SERPINI1: variants seen among roughly 807,000 people sequenced by gnomAD.
SERPINI1 encodes the protein neuroserpin.
In SERPINI1, 19 loss-of-function variants were observed where a neutral mutation model predicts 41.1. The ratio of observed to expected loss-of-function variants is 0.46; its 90% CI spans 0.32 to 0.68. The LOEUF is 0.68. SERPINI1 is among the 30% of genes least tolerant of loss of function. The pLI is 0.03. For synonymous variants in SERPINI1, 138 were observed against 156.6 expected, an observed-to-expected ratio of 0.88 and a Z score of 0.89; for missense variants, 460 against 479.2, an observed-to-expected ratio of 0.96 and a Z score of 0.37.
At chr3:167,779,279 G>A (rs923581418) in intron 1 of SERPINI1, among the ~76,000 whole-genome samples, 19 of 151,988 alleles carry the variant, frequency 1.3e-4, no homozygotes, top group Admixed American at 1.0e-3. Context: ...AATGCAAAAC[G>A]AACACATATC....
intron 5 of SERPINI1, among the ~76,000 whole-genome samples, chr3:167,800,805 G>GT (rs2108563389): frequency 6.6e-6 from 1 of 152,118 alleles, no homozygotes; most frequent in Non-Finnish European, 1.5e-5. Flanking sequence ...GTTTTGTTTT[G>GT]TTTTGTTTTG....
At chr3:167,744,675 TAA>T (rs1254232732) in intron 1 of SERPINI1, among the ~76,000 whole-genome samples, 2 of 107,490 alleles carry the variant, frequency 1.9e-5, no homozygotes, top group South Asian at 2.5e-4. Flanking sequence ...AATATATATA[TAA>T]ATATATATAT....
intron 1 of SERPINI1, among the ~76,000 whole-genome samples, chr3:167,781,443 T>G (rs1372554117): frequency 6.6e-6 from 1 of 152,102 alleles, no homozygotes; most frequent in East Asian, 1.9e-4. Flanking sequence ...AAAAGAGGCA[T>G]TATTTTTGTA....
In SERPINI1 at chr3:167,772,864, C is replaced by CTATATATATATA. The variant is rs1161668820; in HGVS notation, c.-18-16228_-18-16217dup. ...TCTCTCTCTCTCTCTCTCTCTCTCT[C>CTATATATATATA]TATATATATATATATATATATATAT... On this transcript the variant is annotated intron_variant, in intron 1 of 8. Coordinates refer to ENST00000446050, the MANE Select transcript of SERPINI1 (RefSeq NM_001122752.2). Among the ~76,000 whole-genome samples the CTATATATATATA allele has an allele frequency of 2.3e-3, 56 of 24,598 alleles. 3 individuals carry two copies. Among genetic ancestry groups the CTATATATATATA allele is most frequent in the Admixed American group, 3.2e-3 (5 of 1,574 alleles). The allele number at this position is 24,598 out of a possible 152,430, so 16.1% of individuals were successfully genotyped here. A position where few individuals can be genotyped will look rare whatever the true frequency, so the allele number is the denominator to read the frequency against.
chr3:167,786,310 C>T lies in SERPINI1; in HGVS notation c.-18-2801C>T, dbSNP rs552552819. ...TTGAGGTCAGGAGTTCGAGACCAGTCTGGCCAACATGGTGAAACCCCGTCT... is the reference window on the plus strand; with the variant it reads ...TTGAGGTCAGGAGTTCGAGACCAGTTTGGCCAACATGGTGAAACCCCGTCT... On this transcript the variant is annotated intron_variant, in intron 1 of 8. Transcript: ENST00000446050. Among the ~76,000 whole-genome samples, 30 of 152,040 alleles carry T rather than the reference C, an allele frequency of 2.0e-4. No individual in the cohort carries two copies. The South Asian group carries it at 6.2e-3, about 32-fold the overall frequency.
chr3:167,753,239 C>T (rs1218510987), intron 1 of SERPINI1, among the ~76,000 whole-genome samples: 2 of 152,064 alleles, frequency 1.3e-5, no homozygotes, highest in African/African-American at 2.4e-5. Context: ...TTTTGGGTGA[C>T]TTTTCTGAGC....
chr3:167,757,393 C>T (rs1362978911), intron 1 of SERPINI1, among the ~76,000 whole-genome samples: 1 of 151,834 alleles, frequency 6.6e-6, no homozygotes, highest in African/African-American at 2.4e-5. Context: ...AATATGATCT[C>T]CTTGGTGTTA....
chr3:167,754,251 G>A (rs1392157604), intron 1 of SERPINI1, among the ~76,000 whole-genome samples: 2 of 152,190 alleles, frequency 1.3e-5, no homozygotes, highest in African/African-American at 4.8e-5. Flanking sequence ...AATAGGGGAA[G>A]TGAAAATTCA....
At chr3:167,751,581 G>A (rs1468572647) in intron 1 of SERPINI1, among the ~76,000 whole-genome samples, 1 of 152,128 alleles carries the variant, frequency 6.6e-6, no homozygotes, top group African/African-American at 2.4e-5. Flanking sequence ...TTTGAGATGT[G>A]TTAAATTACT....
intron 6 of SERPINI1, among the ~76,000 whole-genome samples, chr3:167,814,678 C>T (rs1004825655): frequency 3.3e-5 from 5 of 152,094 alleles, no homozygotes; most frequent in Non-Finnish European, 5.9e-5. Context: ...TGCACAATAC[C>T]GCATATGTAG....
In SERPINI1 at chr3:167,770,279, T is replaced by G. The variant is rs57289014; in HGVS notation, c.-18-18832T>G. Among the ~76,000 whole-genome samples, 299 of 152,112 alleles carry G rather than the reference T, an allele frequency of 2.0e-3. 1 individual carries two copies. In the Middle Eastern group the frequency reaches 0.024, roughly 12 times the overall value. On this transcript the variant is annotated intron_variant, in intron 1 of 8. Transcript: ENST00000446050. ...TTCATTGTTTACTTTTAAAGTCTGA[T>G]CTCTCTGGAATTTATTTTGATTTGA... is the stretch of plus-strand genomic sequence containing the variant.
At chr3:167,782,956 T>C (rs1487526456) in intron 1 of SERPINI1, among the ~76,000 whole-genome samples, 3 of 152,184 alleles carry the variant, frequency 2.0e-5, no homozygotes, top group Non-Finnish European at 4.4e-5. Flanking sequence ...TAGAAAGTTG[T>C]GCTGCGTCAC....
chr3:167,822,242 T>G (rs1712358524), intron 6 of SERPINI1, among the ~76,000 whole-genome samples: 5 of 152,218 alleles, frequency 3.3e-5, no homozygotes, highest in Admixed American at 3.3e-4. Context: ...TGACCTCATT[T>G]AAATTTAAAA....
In SERPINI1 at chr3:167,757,512, A is replaced by T. The variant is rs199909869; in HGVS notation, c.-19+21689A>T. Among the ~76,000 whole-genome samples the T allele has an allele frequency of 1.7e-3, 256 of 149,692 alleles. 2 individuals carry two copies. The highest frequency in any genetic ancestry group is 4.6e-3 in the African/African-American group (187 of 40,852). On this transcript the variant is annotated intron_variant, in intron 1 of 8. Transcript: ENST00000446050. ...AATTAGTGAGATCTCTCTCTCTCTC[A>T]CACACACACACACACACACAAAATA...
At position 167,813,542 on chromosome 3, in the gene SERPINI1, T is replaced by C. The variant is rs149791294; in HGVS notation, c.979+6201T>C. 1.4e-4 allele frequency among the ~76,000 whole-genome samples: 21 copies of C among 152,272 alleles called. 1 individual carries two copies. The highest frequency in any genetic ancestry group is 3.6e-4 in the African/African-American group (15 of 41,544). On this transcript the variant is annotated intron_variant, in intron 6 of 8. Coordinates refer to ENST00000446050, the MANE Select transcript of SERPINI1 (RefSeq NM_001122752.2). ...CATCTTGCCTTCTCTGACTTTTCAC[T>C]CTTACTAATTGTTTAAGAGCAAGTT...
intron 1 of SERPINI1, among the ~76,000 whole-genome samples, chr3:167,753,129 A>G (rs1726095266): frequency 6.6e-6 from 1 of 151,988 alleles, no homozygotes; most frequent in Admixed American, 6.6e-5. Flanking sequence ...AATGAAAAGT[A>G]TAGTCTATAT....
At chr3:167,757,287 G>A (rs1260429958) in intron 1 of SERPINI1, among the ~76,000 whole-genome samples, 1 of 152,160 alleles carries the variant, frequency 6.6e-6, no homozygotes, top group Non-Finnish European at 1.5e-5. Context: ...TATCCGTGGT[G>A]TTTGTGCAGT....
chr3:167,752,481 C>T (rs1159927867), intron 1 of SERPINI1, among the ~76,000 whole-genome samples: 1 of 152,120 alleles, frequency 6.6e-6, no homozygotes, highest in Admixed American at 6.6e-5. Flanking sequence ...TTACCTCTGT[C>T]TTGTCCAATT....
At chr3:167,757,223 A>G (rs2108537858) in intron 1 of SERPINI1, among the ~76,000 whole-genome samples, 1 of 152,332 alleles carries the variant, frequency 6.6e-6, no homozygotes, top group Middle Eastern at 3.4e-3. Context: ...AGCTTTTGAA[A>G]GGACCTCACA....
Sources: allele counts gnomAD v4.1 joint callset (sites outside exome capture counted in the v4.1 genomes callset), GRCh38; gene constraint gnomAD v4.1.1; transcripts MANE v1.5; gene names NCBI Gene and HGNC (gene_info 2026-07-23, HGNC 2026-07-21).